The following IGF1R variants were observed in gnomAD, a reference collection of about 807,000 sequenced individuals.
The protein encoded by IGF1R is insulin like growth factor 1 receptor.
In IGF1R, 44 loss-of-function variants were observed where a neutral mutation model predicts 144.6. That is an observed-to-expected ratio of 0.30 (90% CI 0.24 to 0.39). IGF1R has a LOEUF of 0.39. Among genes scored for constraint, IGF1R ranks in the 10% least tolerant of loss-of-function variants. The pLI, the probability that IGF1R is intolerant of heterozygous loss-of-function variation, is 1.00. For missense variants in IGF1R, 1,355 were observed against 1,833.7 expected (o/e 0.74, Z 4.77); for synonymous variants, 795 against 722.8 (o/e 1.10, Z -1.60).
chr15:98,738,033 G>T (rs893961223), intron 2 of IGF1R, among the ~76,000 whole-genome samples: 3 of 152,200 alleles, frequency 2.0e-5, no homozygotes, highest in Non-Finnish European at 4.4e-5. Flanking sequence ...GTTTCCGCTG[G>T]GTGCGGTTGT....
intron 1 of IGF1R, among the ~76,000 whole-genome samples, chr15:98,657,446 GTATT>G (rs1175166853): frequency 1.3e-5 from 2 of 152,186 alleles, no homozygotes; most frequent in African/African-American, 4.8e-5. Flanking sequence ...GTGTTGTCCT[GTATT>G]TATTCTCTTT....
chr15:98,758,205 G>C (rs6598544), intron 2 of IGF1R, among the ~76,000 whole-genome samples: 3 of 150,768 alleles, frequency 2.0e-5, no homozygotes, highest in Non-Finnish European at 4.4e-5. Context: ...AAATTTTAAA[G>C]TGTTTTTTTT....
intron 2 of IGF1R, among the ~76,000 whole-genome samples, chr15:98,851,953 C>T (rs538883823): frequency 5.3e-5 from 8 of 152,238 alleles, no homozygotes; most frequent in African/African-American, 1.7e-4. Flanking sequence ...CCCTTAATGG[C>T]GTATTGTGTG....
At chr15:98,835,102 CA>C (rs749760409) in intron 2 of IGF1R, among the ~76,000 whole-genome samples, 7 of 150,442 alleles carry the variant, frequency 4.7e-5, no homozygotes, top group Non-Finnish European at 7.4e-5. Context: ...CACACACACA[CA>C]CACACACCCC....
intron 18 of IGF1R, among the ~76,000 whole-genome samples, chr15:98,940,855 G>A (rs940211048): frequency 1.1e-4 from 17 of 152,200 alleles, no homozygotes; most frequent in African/African-American, 2.9e-4. Flanking sequence ...GGTTTGGCAC[G>A]TTGAGACGTC....
chr15:98,755,884 A>C (rs2055143400), intron 2 of IGF1R, among the ~76,000 whole-genome samples: 1 of 152,164 alleles, frequency 6.6e-6, no homozygotes, highest in South Asian at 2.1e-4. Context: ...TTATCGGAAG[A>C]GGCTGATGAA....
intron 2 of IGF1R, among the ~76,000 whole-genome samples, chr15:98,728,222 A>G (rs538605416): frequency 1.3e-5 from 2 of 152,142 alleles, no homozygotes; most frequent in African/African-American, 4.8e-5. Context: ...GTGAAAAGTG[A>G]TGTGTCCTAG....
At chr15:98,829,308 A>G (rs545758103) in intron 2 of IGF1R, among the ~76,000 whole-genome samples, 1 of 152,196 alleles carries the variant, frequency 6.6e-6, no homozygotes, top group African/African-American at 2.4e-5. Context: ...AAGTAACCAA[A>G]GTACTGCTGC....
intron 2 of IGF1R, among the ~76,000 whole-genome samples, chr15:98,819,877 T>A (rs1038915237): frequency 1.3e-5 from 2 of 152,202 alleles, no homozygotes; most frequent in African/African-American, 4.8e-5. Context: ...AATTGGATGA[T>A]CATACCTGCT....
Position 98,896,823 on chromosome 15 carries a change from C to T in IGF1R, c.1020C>T (p.Thr340=), listed in dbSNP as rs1384564148. 6.2e-7 allele frequency: 1 copy of T among 1,613,902 alleles called. No homozygotes were observed. Among genetic ancestry groups the T allele is most frequent in the South Asian group, 1.1e-5 (1 of 91,078 alleles). ...GTGAGGAAGAAAAGAAAACAAAGACCATTGATTCTGTTACTTCTGCTCAGA... is the reference window on the plus strand; with the variant it reads ...GTGAGGAAGAAAAGAAAACAAAGACTATTGATTCTGTTACTTCTGCTCAGA... ...KVCEEEKKTK[T]IDSVTSAQML... Residue 340 remains threonine (T), a synonymous_variant, in exon 4 of 21, where the codon ACC becomes ACT. Coordinates refer to ENST00000650285, the MANE Select transcript of IGF1R (RefSeq NM_000875.5).
At chr15:98,946,025 G>A (rs922338210) in intron 19 of IGF1R, among the ~76,000 whole-genome samples, 8 of 151,954 alleles carry the variant, frequency 5.3e-5, no homozygotes, top group African/African-American at 1.7e-4. Flanking sequence ...CGATGATGAC[G>A]ATGACGACGA....
At chr15:98,862,524 T>C (rs79899401) in intron 2 of IGF1R, among the ~76,000 whole-genome samples, 2,115 of 152,332 alleles carry the variant, frequency 0.014, 41 homozygotes, top group African/African-American at 0.048. Context: ...CTAGGAATCA[T>C]CTGTAAAAAG....
At chr15:98,904,850 C>G (rs1379170427) in intron 5 of IGF1R, among the ~76,000 whole-genome samples, 1 of 152,356 alleles carries the variant, frequency 6.6e-6, no homozygotes, top group South Asian at 2.1e-4. Flanking sequence ...ACAGGACCTT[C>G]CTGTTCTGAG....
chr15:98,715,472 A>G (rs1408107797), intron 2 of IGF1R, among the ~76,000 whole-genome samples: 1 of 152,044 alleles, frequency 6.6e-6, no homozygotes. Context: ...AGTTAAACCT[A>G]TTTGTACAAT....
At chr15:98,902,972 A>C (rs1004750795) in intron 5 of IGF1R, among the ~76,000 whole-genome samples, 8 of 152,192 alleles carry the variant, frequency 5.3e-5, no homozygotes, top group Non-Finnish European at 1.2e-4. Context: ...GAGCCTGTTG[A>C]CTTTTATATC....
chr15:98,720,852 A>C (rs1396708815), intron 2 of IGF1R, among the ~76,000 whole-genome samples: 2 of 152,190 alleles, frequency 1.3e-5, no homozygotes, highest in African/African-American at 2.4e-5. Context: ...TTTTCCACTA[A>C]AGTAAGCTTT....
rs970783154 is a variant in IGF1R, at chr15:98,910,418, A to G, written c.1463-897A>G. Among the ~76,000 whole-genome samples, 4 of 152,222 alleles carry G rather than the reference A, an allele frequency of 2.6e-5. No individual in the cohort carries two copies. The South Asian group carries it at 8.3e-4, about 32-fold the overall frequency. On this transcript the variant is annotated intron_variant, in intron 6 of 20. Coordinates refer to ENST00000650285, the MANE Select transcript of IGF1R (RefSeq NM_000875.5). Reference sequence around the variant, plus strand: ...TCAGCAGGAACTGTGACATTTCCCAATCTCAGTTGCGCACATTTTGTCCTA... The same window carrying G: ...TCAGCAGGAACTGTGACATTTCCCAGTCTCAGTTGCGCACATTTTGTCCTA...
At chr15:98,919,768 T>C (rs931291663) in intron 10 of IGF1R, among the ~76,000 whole-genome samples, 3 of 152,192 alleles carry the variant, frequency 2.0e-5, no homozygotes, top group African/African-American at 7.2e-5. Context: ...TTTTTTTGCC[T>C]CCTACTGAGT....
chr15:98,756,104 G>A (rs969921592), intron 2 of IGF1R, among the ~76,000 whole-genome samples: 1 of 152,066 alleles, frequency 6.6e-6, no homozygotes, highest in African/African-American at 2.4e-5. Context: ...AGCCTACAAA[G>A]CCCTACAGAT....
Sources: allele counts gnomAD v4.1 joint callset (sites outside exome capture counted in the v4.1 genomes callset), GRCh38; gene constraint gnomAD v4.1.1; transcripts MANE v1.5; gene names NCBI Gene and HGNC (gene_info 2026-07-23, HGNC 2026-07-21).